PTPN9: variants seen among roughly 807,000 people sequenced by gnomAD.
The protein encoded by PTPN9 is tyrosine-protein phosphatase non-receptor type 9.
In PTPN9, 26 loss-of-function variants were observed where a neutral mutation model predicts 69.8. The observed-to-expected ratio is 0.37, with a 90% CI of 0.27 to 0.52. The LOEUF (loss-of-function observed/expected upper bound fraction) is 0.52. PTPN9 is among the 20% of genes least tolerant of loss of function. The pLI, the probability that PTPN9 is intolerant of heterozygous loss-of-function variation, is 0.91. For missense variants in PTPN9, 549 were observed against 740.3 expected, an observed-to-expected ratio of 0.74 and a Z score of 3.00; for synonymous variants, 274 against 272.5, an observed-to-expected ratio of 1.01 and a Z score of -0.05.
chr15:75,482,482 G>T (rs1200056444), intron 8 of PTPN9, among the ~76,000 whole-genome samples: 1 of 146,542 alleles, frequency 6.8e-6, no homozygotes, highest in African/African-American at 2.5e-5. Context: ...GGAGAATGGC[G>T]TGAACCCGGG....
intron 1 of PTPN9, among the ~76,000 whole-genome samples, chr15:75,573,742 G>C (rs2075159377): frequency 6.6e-6 from 1 of 152,196 alleles, no homozygotes; most frequent in African/African-American, 2.4e-5. Flanking sequence ...CATATGATGG[G>C]GAGCAAAAGC....
intron 1 of PTPN9, among the ~76,000 whole-genome samples, chr15:75,538,503 C>T (rs559619895): frequency 6.6e-6 from 1 of 152,178 alleles, no homozygotes; most frequent in South Asian, 2.1e-4. Flanking sequence ...TCGTGACCAG[C>T]CTGAGGAACA....
intron 7 of PTPN9, among the ~76,000 whole-genome samples, chr15:75,494,131 C>CATAT (rs71140166): frequency 2.5e-3 from 360 of 143,498 alleles, no homozygotes; most frequent in South Asian, 7.6e-3. Context: ...TTATCAATCC[C>CATAT]ATATATATAT....
At chr15:75,481,340 G>C in intron 8 of PTPN9, among the ~76,000 whole-genome samples, 1 of 37,074 alleles carries the variant, frequency 2.7e-5, no homozygotes, top group East Asian at 7.0e-4. Context: ...GGAGGGAGGT[G>C]GGGGGGGGTC....
At chr15:75,481,892 GC>G (rs1466833910) in intron 8 of PTPN9, among the ~76,000 whole-genome samples, 2 of 146,180 alleles carry the variant, frequency 1.4e-5, no homozygotes, top group Non-Finnish European at 3.0e-5. Context: ...GGGCGCCTCT[GC>G]CCGGCCGCCC....
intron 8 of PTPN9, among the ~76,000 whole-genome samples, chr15:75,486,018 C>T (rs1021566979): frequency 8.8e-5 from 13 of 148,360 alleles, no homozygotes; most frequent in South Asian, 4.3e-4. Context: ...GAGAATGGCA[C>T]GAACCCGGGA....
intron 2 of PTPN9, among the ~76,000 whole-genome samples, chr15:75,526,088 T>C (rs2074926274): frequency 6.7e-6 from 1 of 148,642 alleles, no homozygotes. Flanking sequence ...CTCCACCTCC[T>C]TGGTTCAAGT....
rs560249411 is a variant in PTPN9, at chr15:75,505,754, C to T, written c.889G>A (p.Ala297Thr). The T allele has an allele frequency of 6.2e-7, 1 of 1,614,096 alleles. No individual in the cohort carries two copies. The highest frequency in any genetic ancestry group is 8.5e-7 in the Non-Finnish European group (1 of 1,179,976). ...TCATAGATTCCTTGCTTTTGCCTGG[C>T]ATTAACATAGTCCACCAACTCTTGG... The part of the protein sequence containing the change: ...TIQELVDYVN[A>T]RQKQGIYEEY... The change falls in exon 7 of 13, where the codon GCC (alanine) becomes ACC (threonine). Residue 297 changes from alanine to threonine, a missense_variant. Ala to Thr is a moderately conservative substitution (Grantham distance 58, BLOSUM62 0). Transcript: ENST00000618819.
At chr15:75,530,250 G>C (rs983587266) in intron 1 of PTPN9, among the ~76,000 whole-genome samples, 2 of 137,112 alleles carry the variant, frequency 1.5e-5, no homozygotes, top group African/African-American at 5.4e-5. Flanking sequence ...GAAAAAGAAA[G>C]GGAGGGCTAG....
Position 75,470,666 on chromosome 15 carries a change from A to G in PTPN9, c.1359+14T>C. On this transcript the variant is annotated intron_variant, in intron 11 of 12. Transcript: ENST00000618819. ...CTGTTTCAACAAGGTGAGAAAAAAG[A>G]AACCTGGATTTACCTCTGTGTTGTG... 1 of 1,610,550 alleles carries G rather than the reference A, an allele frequency of 6.2e-7. No homozygotes were observed.
chr15:75,503,333 G>A (rs2074785421), intron 7 of PTPN9, among the ~76,000 whole-genome samples: 2 of 139,152 alleles, frequency 1.4e-5, no homozygotes, highest in South Asian at 4.8e-4. Flanking sequence ...TCGCGACCCC[G>A]TCTGGGAGGT....
intron 1 of PTPN9, among the ~76,000 whole-genome samples, chr15:75,529,492 A>G (rs1008494469): frequency 5.3e-5 from 8 of 152,188 alleles, no homozygotes; most frequent in Admixed American, 3.9e-4. Context: ...TTATTTGTTA[A>G]GCTAATACTT....
At chr15:75,577,690 T>G (rs1407196981) in intron 1 of PTPN9, among the ~76,000 whole-genome samples, 1 of 152,266 alleles carries the variant, frequency 6.6e-6, no homozygotes, top group Admixed American at 6.5e-5. Context: ...CTAGCAAATG[T>G]GGTCCTTGGA....
intron 1 of PTPN9, among the ~76,000 whole-genome samples, chr15:75,575,522 T>C (rs538881814): frequency 2.0e-5 from 3 of 152,328 alleles, no homozygotes; most frequent in South Asian, 2.1e-4. Flanking sequence ...GTTTGAGCAA[T>C]AGGGCAGCAT....
chr15:75,476,340 A>AG (rs1298633502), intron 9 of PTPN9, among the ~76,000 whole-genome samples: 1 of 152,158 alleles, frequency 6.6e-6, no homozygotes, highest in East Asian at 1.9e-4. Context: ...TTTGAGACCG[A>AG]GTATCACTCT....
chr15:75,510,893 T>A (rs2074842515), intron 5 of PTPN9, among the ~76,000 whole-genome samples: 1 of 152,192 alleles, frequency 6.6e-6, no homozygotes, highest in South Asian at 2.1e-4. Context: ...CCCTAGTCCC[T>A]AGTAACCTTG....
intron 8 of PTPN9, chr15:75,480,638 G>GC (rs1402925788): frequency 8.3e-7 from 1 of 1,201,444 alleles, no homozygotes; most frequent in African/African-American, 1.7e-5. Context: ...CGGCGCTGAC[G>GC]CCCGCGGGCC....
At chr15:75,548,259 CTT>C (rs902930341) in intron 1 of PTPN9, among the ~76,000 whole-genome samples, 1 of 143,720 alleles carries the variant, frequency 7.0e-6, no homozygotes. Flanking sequence ...TAAACTTCTT[CTT>C]TTTTTTTTTT....
At chr15:75,480,756 G>T in intron 8 of PTPN9, 1 of 1,237,072 alleles carries the variant, frequency 8.1e-7, no homozygotes, top group Non-Finnish European at 1.0e-6. Flanking sequence ...CTCAGTCTTT[G>T]CCGCCGCGCC....
Sources: gnomAD v4.1 joint callset for allele counts (sites outside exome capture counted in the v4.1 genomes callset) on GRCh38, gnomAD v4.1.1 for gene constraint, MANE v1.5 for transcripts, NCBI Gene and HGNC (gene_info 2026-07-23, HGNC 2026-07-21) for gene names.